NRCAM: variants seen among roughly 807,000 people sequenced by gnomAD.
The protein encoded by NRCAM is NgCAM-related cell adhesion molecule.
In NRCAM, 83 loss-of-function variants were observed where a neutral mutation model predicts 156.5. The observed-to-expected ratio is 0.53, with a 90% CI of 0.44 to 0.64. The LOEUF is 0.64. NRCAM is among the 30% of genes least tolerant of loss of function. The pLI, the probability that NRCAM is intolerant of heterozygous loss-of-function variation, is 0.00. For synonymous variants in NRCAM, 538 were observed against 563.9 expected (o/e 0.95, Z 0.65); for missense variants, 1,417 against 1,597.3 (o/e 0.89, Z 1.92).
At chr7:108,215,877 T>C (rs1224051952) in intron 11 of NRCAM, among the ~76,000 whole-genome samples, 2 of 152,218 alleles carry the variant, frequency 1.3e-5, no homozygotes, top group Non-Finnish European at 2.9e-5. Flanking sequence ...TTTGCCAGCC[T>C]GCGTCTTTTA....
chr7:108,255,004 C>A (rs1234740604), intron 3 of NRCAM, among the ~76,000 whole-genome samples: 2 of 152,140 alleles, frequency 1.3e-5, no homozygotes, highest in Non-Finnish European at 2.9e-5. Flanking sequence ...GTAAACAGAT[C>A]CAATGCCCAT....
At chr7:108,200,766 AC>A (rs2077538441) in intron 13 of NRCAM, among the ~76,000 whole-genome samples, 1 of 144,548 alleles carries the variant, frequency 6.9e-6, no homozygotes, top group African/African-American at 2.5e-5. Flanking sequence ...ACACACACAC[AC>A]ACACACACAC....
At chr7:108,438,047 T>C (rs1261198687) in intron 1 of NRCAM, among the ~76,000 whole-genome samples, 1 of 149,942 alleles carries the variant, frequency 6.7e-6, no homozygotes, top group Non-Finnish European at 1.5e-5. Flanking sequence ...AAAAAAAAAT[T>C]AATTAATTAA....
chr7:108,429,637 T>C (rs1322412492), intron 1 of NRCAM, among the ~76,000 whole-genome samples: 1 of 152,190 alleles, frequency 6.6e-6, no homozygotes, highest in Admixed American at 6.5e-5. Flanking sequence ...CATAGGTAAG[T>C]TCCCCCAGTG....
intron 13 of NRCAM, among the ~76,000 whole-genome samples, chr7:108,203,958 T>A (rs1273477767): frequency 6.6e-6 from 1 of 152,164 alleles, no homozygotes; most frequent in Admixed American, 6.5e-5. Flanking sequence ...CTGTCACACA[T>A]GGTGGCAGAC....
At chr7:108,209,866 C>T (rs1270838031) in intron 11 of NRCAM, among the ~76,000 whole-genome samples, 8 of 152,126 alleles carry the variant, frequency 5.3e-5, no homozygotes, top group African/African-American at 1.9e-4. Flanking sequence ...AGTTGCTTTA[C>T]TGATGGGGCC....
intron 2 of NRCAM, among the ~76,000 whole-genome samples, chr7:108,396,626 T>C (rs2099777676): frequency 6.6e-6 from 1 of 152,264 alleles, no homozygotes; most frequent in African/African-American, 2.4e-5. Flanking sequence ...TTTGAGGTGA[T>C]GGATATACCC....
intron 19 of NRCAM, 140 bp downstream of exon 19, chr7:108,191,114 G>T: frequency 1.7e-6 from 1 of 590,952 alleles, no homozygotes; most frequent in Non-Finnish European, 2.8e-6. Context: ...CAGTAAATGG[G>T]TGACACAACA....
At chr7:108,204,851 TCAGA>T (rs1370545529) in intron 13 of NRCAM, among the ~76,000 whole-genome samples, 1 of 152,206 alleles carries the variant, frequency 6.6e-6, no homozygotes, top group East Asian at 1.9e-4. Flanking sequence ...CTCTACCTAC[TCAGA>T]CAATTTAGGG....
chr7:108,259,315 C>T (rs1271569106), intron 3 of NRCAM, among the ~76,000 whole-genome samples: 1 of 152,122 alleles, frequency 6.6e-6, no homozygotes, highest in African/African-American at 2.4e-5. Context: ...GGTTAACAAG[C>T]CTTTTTAAAA....
At chr7:108,453,474 G>A (rs1396943648) in intron 1 of NRCAM, among the ~76,000 whole-genome samples, 2 of 152,108 alleles carry the variant, frequency 1.3e-5, no homozygotes, top group African/African-American at 4.8e-5. Flanking sequence ...CACTGTTACC[G>A]TAGCATTAAC....
chr7:108,383,486 A>G (rs1486512198), intron 2 of NRCAM, among the ~76,000 whole-genome samples: 1 of 152,192 alleles, frequency 6.6e-6, no homozygotes, highest in Non-Finnish European at 1.5e-5. Flanking sequence ...ATAACTTATG[A>G]CAAGGGCTTG....
At chr7:108,204,632 C>T (rs1003047256) in intron 13 of NRCAM, among the ~76,000 whole-genome samples, 8 of 152,214 alleles carry the variant, frequency 5.3e-5, no homozygotes, top group African/African-American at 1.9e-4. Flanking sequence ...GCTGCCACAC[C>T]ATGTGGTATT....
At chr7:108,299,114 A>AAAAAAAAAAAAAAAAAAGAAAGAAAG in intron 3 of NRCAM, among the ~76,000 whole-genome samples, 1 of 25,516 alleles carries the variant, frequency 3.9e-5, no homozygotes, top group Non-Finnish European at 8.0e-5. Flanking sequence ...TCAAAAAAAA[A>AAAAAAAAAAAAAAAAAAGAAAGAAAG]AAAGAAAGAA....
chr7:108,262,988 C>T (rs1323907697), intron 3 of NRCAM, among the ~76,000 whole-genome samples: 2 of 152,226 alleles, frequency 1.3e-5, no homozygotes, highest in African/African-American at 4.8e-5. Context: ...ATTTCCCAGA[C>T]ATCTTCAATG....
At chr7:108,364,018 TTAA>T (rs930315050) in intron 2 of NRCAM, among the ~76,000 whole-genome samples, 1 of 152,140 alleles carries the variant, frequency 6.6e-6, no homozygotes, top group African/African-American at 2.4e-5. Flanking sequence ...AAGTATACAG[TTAA>T]TAATAATGTA....
At chr7:108,402,122 A>G (rs1239902590) in intron 1 of NRCAM, among the ~76,000 whole-genome samples, 1 of 152,212 alleles carries the variant, frequency 6.6e-6, no homozygotes, top group Non-Finnish European at 1.5e-5. Flanking sequence ...TCAGTCCATC[A>G]TGATATCTGA....
intron 30 of NRCAM, among the ~76,000 whole-genome samples, chr7:108,162,348 C>G (rs2049662536): frequency 6.6e-6 from 1 of 152,186 alleles, no homozygotes; most frequent in Non-Finnish European, 1.5e-5. Flanking sequence ...TCTTTGGCAA[C>G]ATATTTCTTT....
Position 108,178,067 on chromosome 7 carries a change from T to C in NRCAM, c.2897A>G (p.Asp966Gly), listed in dbSNP as rs1249707131. 6.2e-7 allele frequency: 1 copy of C among 1,613,176 alleles called. No individual in the cohort carries two copies. The highest frequency in any genetic ancestry group is 8.5e-7 in the Non-Finnish European group (1 of 1,179,544). ...SSLKIVNPTLDSLTLEWDPPS... is the reference protein window; with the variant it reads ...SSLKIVNPTLGSLTLEWDPPS... ...TGGATCCCATTCCAAAGTGAGAGAG[T>C]CCAGTGTTGGATTCACAATCTTCAA... Residue 966 changes from aspartate (D) to glycine (G), a missense_variant, in exon 26 of 33, where the codon GAC becomes GGC. Coordinates refer to ENST00000379028, the MANE Select transcript of NRCAM (RefSeq NM_001037132.4).
Sources: gnomAD v4.1 joint callset for allele counts (sites outside exome capture counted in the v4.1 genomes callset) on GRCh38, gnomAD v4.1.1 for gene constraint, MANE v1.5 for transcripts, NCBI Gene and HGNC (gene_info 2026-07-23, HGNC 2026-07-21) for gene names.